Variants in FAM107B observed in about 807,000 individuals in gnomAD.
The protein encoded by FAM107B is protein FAM107B.
A neutral mutation model predicts 31.5 loss-of-function variants in FAM107B; 21 were observed. The observed-to-expected ratio is 0.67, with a 90% CI of 0.47 to 0.96. The LOEUF (loss-of-function observed/expected upper bound fraction) is 0.96, where lower values mean the gene tolerates loss of function less well. Among genes scored for constraint, FAM107B ranks in the 40% least tolerant of loss-of-function variants. The pLI, the probability that FAM107B is intolerant of heterozygous loss-of-function variation, is 0.00. For synonymous variants in FAM107B, 157 were observed against 141.5 expected (o/e 1.11, Z -0.78); for missense variants, 452 against 377.1 (o/e 1.20, Z -1.64).
chr10:14,773,833 T>C (rs533745564), intron 1 of FAM107B, among the ~76,000 whole-genome samples: 1 of 152,302 alleles, frequency 6.6e-6, no homozygotes, highest in East Asian at 1.9e-4. Context: ...GTAGAGGCAG[T>C]TTTGTGAATT....
Position 14,613,150 on chromosome 10 carries a change from T to G in FAM107B, c.469+54484A>C, listed in dbSNP as rs950975903. Among the ~76,000 whole-genome samples the G allele has an allele frequency of 5.3e-5, 8 of 152,190 alleles. 1 individual carries two copies. The highest frequency in any genetic ancestry group is 4.6e-4 in the Admixed American group (7 of 15,294). On this transcript the variant is annotated intron_variant, in intron 2 of 4. Coordinates refer to ENST00000181796, the MANE Select transcript of FAM107B (RefSeq NM_031453.4). Reference sequence around the variant, plus strand: ...CCATGGCCGGTTAATTTTTGTGTTTTTAGGAGAGACAAGGTTTCACCACGT... The same window carrying G: ...CCATGGCCGGTTAATTTTTGTGTTTGTAGGAGAGACAAGGTTTCACCACGT...
At chr10:14,595,684 T>A (rs1030555051) in intron 2 of FAM107B, among the ~76,000 whole-genome samples, 3 of 152,068 alleles carry the variant, frequency 2.0e-5, no homozygotes, top group South Asian at 2.1e-4. Flanking sequence ...TCCACATCTG[T>A]AAAATGGGAA....
chr10:14,629,725 G>T (rs1004532136), intron 2 of FAM107B, among the ~76,000 whole-genome samples: 5 of 150,314 alleles, frequency 3.3e-5, no homozygotes, highest in Admixed American at 1.3e-4. Flanking sequence ...ATGTTAGCCA[G>T]GATGGTCTTG....
Position 14,663,975 on chromosome 10 carries a change from A to G in FAM107B, c.469+3659T>C, listed in dbSNP as rs1854336917. ...ATTTACAGTATTTGGGTTTTGCTTT[A>G]TAAACACCCTGGCTGACGTGTCTCC... On this transcript the variant is annotated intron_variant, in intron 2 of 4. Coordinates refer to ENST00000181796, the MANE Select transcript of FAM107B (RefSeq NM_031453.4). Among the ~76,000 whole-genome samples the G allele has an allele frequency of 1.3e-5, 2 of 148,262 alleles. 1 individual carries two copies. Among genetic ancestry groups the G allele is most frequent in the Non-Finnish European group, 3.0e-5 (2 of 67,448 alleles).
intron 1 of FAM107B, among the ~76,000 whole-genome samples, chr10:14,694,352 C>T (rs1817578573): frequency 1.3e-5 from 2 of 152,140 alleles, no homozygotes; most frequent in South Asian, 4.1e-4. Context: ...TAAGGGTTCC[C>T]TTTTCTCTGC....
intron 1 of FAM107B, among the ~76,000 whole-genome samples, chr10:14,767,381 C>T (rs183758642): frequency 6.6e-6 from 1 of 151,708 alleles, no homozygotes; most frequent in Admixed American, 6.6e-5. Flanking sequence ...CATGAGCCAC[C>T]GCACCCGGCC....
intron 1 of FAM107B, among the ~76,000 whole-genome samples, chr10:14,716,039 TA>T (rs1855771961): frequency 6.6e-6 from 1 of 152,188 alleles, no homozygotes; most frequent in South Asian, 2.1e-4. Context: ...ATAGAATATA[TA>T]CTTCTACAGA....
At chr10:14,630,313 G>GA (rs1853322066) in intron 2 of FAM107B, among the ~76,000 whole-genome samples, 1 of 141,156 alleles carries the variant, frequency 7.1e-6, no homozygotes, top group Non-Finnish European at 1.5e-5. Flanking sequence ...TAGAACTGCA[G>GA]AAAAAATGGC....
chr10:14,713,282 T>C (rs934694675), intron 1 of FAM107B, among the ~76,000 whole-genome samples: 1 of 152,194 alleles, frequency 6.6e-6, no homozygotes, highest in Non-Finnish European at 1.5e-5. Context: ...AACGTTCATA[T>C]CACAGCATGG....
intron 2 of FAM107B, among the ~76,000 whole-genome samples, chr10:14,544,250 A>G (rs968255991): frequency 6.6e-6 from 1 of 152,232 alleles, no homozygotes; most frequent in African/African-American, 2.4e-5. Context: ...CCCATACCGT[A>G]TACGATAAAT....
At chr10:14,677,364 G>A (rs1333174399) in intron 1 of FAM107B, among the ~76,000 whole-genome samples, 1 of 152,176 alleles carries the variant, frequency 6.6e-6, no homozygotes, top group Non-Finnish European at 1.5e-5. Context: ...GCTCAATCCT[G>A]TAATCCCAGC....
At chr10:14,675,311 T>C (rs1485092564) in intron 1 of FAM107B, among the ~76,000 whole-genome samples, 1 of 152,184 alleles carries the variant, frequency 6.6e-6, no homozygotes, top group African/African-American at 2.4e-5. Flanking sequence ...CCAGTTTTCC[T>C]ATCTATCTGA....
intron 1 of FAM107B, among the ~76,000 whole-genome samples, chr10:14,728,839 T>C (rs946849146): frequency 6.6e-6 from 1 of 152,212 alleles, no homozygotes; most frequent in African/African-American, 2.4e-5. Flanking sequence ...TCTCTTTAAT[T>C]TTTGACAAGA....
chr10:14,734,488 G>GTGTTTTTGTTTTTGTTTTTTTTTTT (rs558940939), intron 1 of FAM107B, among the ~76,000 whole-genome samples: 9 of 138,544 alleles, frequency 6.5e-5, no homozygotes, highest in African/African-American at 2.4e-4. Context: ...TTTTTGTGAG[G>GTGTTTTTGTTTTTGTTTTTTTTTTT]TTTTTTTTTT....
intron 1 of FAM107B, among the ~76,000 whole-genome samples, chr10:14,678,896 A>G (rs1854757157): frequency 6.6e-6 from 1 of 152,172 alleles, no homozygotes; most frequent in South Asian, 2.1e-4. Context: ...CAATTCTAAA[A>G]CATGCTGAGT....
chr10:14,762,271 C>A (rs1833064018), intron 1 of FAM107B, among the ~76,000 whole-genome samples: 1 of 152,210 alleles, frequency 6.6e-6, no homozygotes, highest in Admixed American at 6.5e-5. Context: ...TATTTTCCTA[C>A]TTGAAAGCAA....
At chr10:14,568,006 A>T (rs1233436762) in intron 2 of FAM107B, among the ~76,000 whole-genome samples, 1 of 152,208 alleles carries the variant, frequency 6.6e-6, no homozygotes. Context: ...GCTGCCATGG[A>T]GTCCCCGGTG....
chr10:14,522,674 A>G (rs570188598), intron 3 of FAM107B, among the ~76,000 whole-genome samples: 2 of 152,074 alleles, frequency 1.3e-5, no homozygotes, highest in East Asian at 3.9e-4. Context: ...TCGGCCTCCC[A>G]AAGTGCTGGG....
chr10:14,585,163 T>C (rs960176756), intron 2 of FAM107B, among the ~76,000 whole-genome samples: 2 of 152,182 alleles, frequency 1.3e-5, no homozygotes, highest in Non-Finnish European at 1.5e-5. Context: ...TCCCACCCTG[T>C]AGAGTGTACT....
Sources: allele counts gnomAD v4.1 joint callset (sites outside exome capture counted in the v4.1 genomes callset), GRCh38; gene constraint gnomAD v4.1.1; transcripts MANE v1.5; gene names NCBI Gene and HGNC (gene_info 2026-07-23, HGNC 2026-07-21).